Variants in INSL6 observed in about 807,000 individuals in gnomAD.
INSL6 encodes the protein insulin like 6.
A neutral mutation model predicts 9.4 loss-of-function variants in INSL6; 16 were observed. That is an observed-to-expected ratio of 1.70 (90% CI 1.15 to 2.59). The LOEUF is 2.59. Ranked by LOEUF, INSL6 falls within the 30% of genes most tolerant of loss-of-function variation. The pLI is 0.00. For synonymous variants in INSL6, 154 were observed against 96.9 expected (o/e 1.59, Z -3.46); for missense variants, 391 against 257.3 (o/e 1.52, Z -3.56).
intron 2 of INSL6, among the ~76,000 whole-genome samples, chr9:5,152,984 G>A (rs1824740592): frequency 6.6e-6 from 1 of 152,140 alleles, no homozygotes; most frequent in Admixed American, 6.5e-5. Flanking sequence ...GAAGCCATTA[G>A]GGACTGTACC....
At chr9:5,035,373 A>C in the INSL6 span, among the ~76,000 whole-genome samples, 1 of 152,176 alleles carries the variant, frequency 6.6e-6, no homozygotes, top group Non-Finnish European at 1.5e-5. Context: ...ATCCTCCCTA[A>C]CTCATTTTAT....
At chr9:5,181,954 C>G (rs1359851238) in intron 1 of INSL6, among the ~76,000 whole-genome samples, 1 of 152,158 alleles carries the variant, frequency 6.6e-6, no homozygotes, top group Admixed American at 6.5e-5. Flanking sequence ...TATGAGGACA[C>G]AGGATTGGTG....
intron 2 of INSL6, among the ~76,000 whole-genome samples, chr9:5,153,301 C>T (rs1486452565): frequency 6.6e-6 from 1 of 152,190 alleles, no homozygotes; most frequent in Non-Finnish European, 1.5e-5. Context: ...GCTTGAAATT[C>T]TCGTGCCAGC....
chr9:5,103,653 T>C, the INSL6 span, among the ~76,000 whole-genome samples: 131 of 152,274 alleles, frequency 8.6e-4, 1 homozygote, highest in South Asian at 0.017. Flanking sequence ...TATTCCAAAA[T>C]AGACCACATA....
chr9:5,085,248 T>C, the INSL6 span: 3 of 676,220 alleles, frequency 4.4e-6, no homozygotes, highest in Non-Finnish European at 8.5e-6. Context: ...GACCAGTGGC[T>C]AACCTGAGAT....
At chr9:5,170,303 A>G (rs1254839277) in intron 1 of INSL6, among the ~76,000 whole-genome samples, 1 of 152,200 alleles carries the variant, frequency 6.6e-6, no homozygotes, top group African/African-American at 2.4e-5. Flanking sequence ...TTTGAAATCA[A>G]TGAGAACAAA....
At chr9:5,168,079 G>A (rs1825094809) in intron 1 of INSL6, among the ~76,000 whole-genome samples, 1 of 152,138 alleles carries the variant, frequency 6.6e-6, no homozygotes, top group Non-Finnish European at 1.5e-5. Flanking sequence ...AAAGGTCATT[G>A]GCCTCAAAGA....
In INSL6 at chr9:5,178,261, A is replaced by G. The variant is rs567089411; in HGVS notation, c.289+7053T>C. ...CTTCAGCCACTCCAGCCAGGGTTAC[A>G]GGGACAGAGCTGTGATCTCTCCCTA... On this transcript the variant is annotated intron_variant, in intron 1 of 1. Transcript: ENST00000381641. 1.1e-3 allele frequency among the ~76,000 whole-genome samples: 160 copies of G among 152,228 alleles called. 1 individual carries two copies. Among genetic ancestry groups the G allele is most frequent in the Non-Finnish European group, 6.2e-4 (42 of 68,000 alleles).
chr9:5,169,902 C>T (rs1825140305), intron 1 of INSL6, among the ~76,000 whole-genome samples: 1 of 152,080 alleles, frequency 6.6e-6, no homozygotes, highest in African/African-American at 2.4e-5. Context: ...CTTAAGACTC[C>T]CACACAATAA....
chr9:4,992,572 C>G, the INSL6 span, among the ~76,000 whole-genome samples: 5 of 152,308 alleles, frequency 3.3e-5, no homozygotes, highest in African/African-American at 1.2e-4. Flanking sequence ...ATACACTGAG[C>G]TTCTCCTCAA....
chr9:5,166,848 A>G (rs1188536052), intron 1 of INSL6, among the ~76,000 whole-genome samples: 2 of 152,226 alleles, frequency 1.3e-5, no homozygotes, highest in Non-Finnish European at 2.9e-5. Context: ...GAGATTTTAA[A>G]ATATTTAAAA....
chr9:5,114,380 G>A, the INSL6 span: 5 of 524,052 alleles, frequency 9.5e-6, no homozygotes, highest in Middle Eastern at 5.0e-4. Context: ...TCACCATCAC[G>A]TCCACCCTGC....
At chr9:5,034,331 A>G in the INSL6 span, among the ~76,000 whole-genome samples, 1 of 152,178 alleles carries the variant, frequency 6.6e-6, no homozygotes, top group African/African-American at 2.4e-5. Context: ...AGACAGATCA[A>G]CAAGACAGAA....
At chr9:5,095,049 A>G in the INSL6 span, 1 of 151,990 alleles carries the variant, frequency 6.6e-6, no homozygotes, top group African/African-American at 2.4e-5. Context: ...AATTACTTTG[A>G]TAGAGTAAAC....
At chr9:5,070,053 G>T in the INSL6 span, 1 of 1,595,550 alleles carries the variant, frequency 6.3e-7, no homozygotes. Flanking sequence ...TTTGATATTT[G>T]TAAGTCATTA....
chr9:5,170,645 G>T (rs7850425), intron 1 of INSL6, among the ~76,000 whole-genome samples: 61,780 of 149,718 alleles, frequency 0.41, 15,422 homozygotes, highest in African/African-American at 0.72. Flanking sequence ...ACAATAAAAA[G>T]GATAAAGGGG....
At chr9:5,003,933 G>T in the INSL6 span, among the ~76,000 whole-genome samples, 1 of 151,894 alleles carries the variant, frequency 6.6e-6, no homozygotes, top group African/African-American at 2.4e-5. Flanking sequence ...AGTAGTTTCT[G>T]CATCTATTGA....
the INSL6 span, among the ~76,000 whole-genome samples, chr9:5,070,412 G>A: frequency 6.6e-6 from 1 of 152,020 alleles, no homozygotes; most frequent in African/African-American, 2.4e-5. Context: ...AAAAAATCCA[G>A]CCATCTCTCA....
chr9:5,045,066 TTGG>T, the INSL6 span, among the ~76,000 whole-genome samples: 1 of 152,228 alleles, frequency 6.6e-6, no homozygotes, highest in Non-Finnish European at 1.5e-5. Context: ...TTGTATTGTG[TTGG>T]TATTTCATAA....
Sources: gnomAD v4.1 joint callset for allele counts (sites outside exome capture counted in the v4.1 genomes callset) on GRCh38, gnomAD v4.1.1 for gene constraint, MANE v1.5 for transcripts, NCBI Gene and HGNC (gene_info 2026-07-23, HGNC 2026-07-21) for gene names.